Variants in SLC36A1 observed in about 807,000 individuals in gnomAD.
SLC36A1 encodes the protein proton-coupled amino acid transporter 1.
SLC36A1 carries 30 observed loss-of-function variants against 47.5 expected under a neutral mutation model. The observed-to-expected ratio is 0.63, with a 90% CI of 0.47 to 0.86. SLC36A1 has a LOEUF of 0.86. SLC36A1 is among the 40% of genes least tolerant of loss of function. SLC36A1 has a pLI of 0.00. For missense variants in SLC36A1, 517 were observed against 606.0 expected (o/e 0.85, Z 1.54); for synonymous variants, 255 against 249.7 (o/e 1.02, Z -0.20).
rs528349944 is a variant in SLC36A1 at position 151,448,277 on chromosome 5, C to T, written c.-6+464C>T. 1.6e-4 allele frequency among the ~76,000 whole-genome samples: 24 copies of T among 152,328 alleles called. No individual in the cohort carries two copies. The South Asian group carries it at 1.7e-3, about 11-fold the overall frequency. On this transcript the variant is annotated intron_variant, in intron 1 of 10. Coordinates refer to ENST00000243389, the MANE Select transcript of SLC36A1 (RefSeq NM_078483.4). Reference sequence around the variant, plus strand: ...GTGAGTTAATCGGAGACCCGGAGACCTGCGACTAGAATGCAAATGTTCCTA... The same window carrying T: ...GTGAGTTAATCGGAGACCCGGAGACTTGCGACTAGAATGCAAATGTTCCTA...
At chr5:151,523,632 C>T in the SLC36A1 span, among the ~76,000 whole-genome samples, 5 of 152,284 alleles carry the variant, frequency 3.3e-5, no homozygotes, top group Non-Finnish European at 7.4e-5. Flanking sequence ...CTAGGCAGGA[C>T]GTGTGCCTGG....
At chr5:151,506,192 AG>A in the SLC36A1 span, 2 of 1,349,786 alleles carry the variant, frequency 1.5e-6, no homozygotes, top group Non-Finnish European at 2.0e-6. Flanking sequence ...CGAGTGGTGG[AG>A]ATGGGAGTGG....
the SLC36A1 span, chr5:151,507,073 T>C: frequency 7.8e-7 from 1 of 1,284,306 alleles, no homozygotes; most frequent in Non-Finnish European, 1.1e-6. Context: ...TAAAAATGCC[T>C]GTGCCTCAGA....
chr5:151,496,150 G>A (rs151079281), downstream of SLC36A1, among the ~76,000 whole-genome samples: 7 of 152,184 alleles, frequency 4.6e-5, no homozygotes, highest in Admixed American at 4.6e-4. Context: ...TCTTTCCTGC[G>A]CTGTTCTCGT....
chr5:151,482,291 C>T (rs1052293514), intron 10 of SLC36A1, among the ~76,000 whole-genome samples: 8 of 152,142 alleles, frequency 5.3e-5, no homozygotes, highest in African/African-American at 1.2e-4. Flanking sequence ...CTGCATTCCC[C>T]GCCCAGGAAC....
upstream of SLC36A1, among the ~76,000 whole-genome samples, chr5:151,432,533 A>T (rs151202221): frequency 6.4e-3 from 972 of 152,280 alleles, 3 homozygotes; most frequent in Non-Finnish European, 8.1e-3. Context: ...AGATCCCCAA[A>T]ACTCTTATCC....
At chr5:151,394,827 C>T in the SLC36A1 span, among the ~76,000 whole-genome samples, 16 of 152,180 alleles carry the variant, frequency 1.1e-4, no homozygotes, top group Non-Finnish European at 2.1e-4. Context: ...GGGGTGCCTC[C>T]AAGTTAGGCT....
intron 10 of SLC36A1, among the ~76,000 whole-genome samples, chr5:151,487,163 C>G (rs1207360847): frequency 6.6e-6 from 1 of 152,242 alleles, no homozygotes; most frequent in Non-Finnish European, 1.5e-5. Context: ...CCTTTGCCCA[C>G]CTGGTGGAAA....
the SLC36A1 span, chr5:151,529,286 T>A: frequency 1.7e-5 from 27 of 1,613,804 alleles, no homozygotes; most frequent in Non-Finnish European, 2.0e-5. Context: ...TGACCATGAC[T>A]GTGGTCACGT....
At chr5:151,372,446 A>C in the SLC36A1 span, among the ~76,000 whole-genome samples, 19 of 148,690 alleles carry the variant, frequency 1.3e-4, no homozygotes, top group Non-Finnish European at 2.1e-4. Flanking sequence ...TTCATTAAAA[A>C]TTTTTTTTTT....
chr5:151,477,119 T>C (rs1229162203), intron 9 of SLC36A1: 8 of 370,464 alleles, frequency 2.2e-5, no homozygotes, highest in Non-Finnish European at 4.2e-5. Context: ...GCCTCTCCCT[T>C]GGTAGTAACA....
At chr5:151,430,421 T>C in the SLC36A1 span, among the ~76,000 whole-genome samples, 2 of 150,206 alleles carry the variant, frequency 1.3e-5, no homozygotes, top group Non-Finnish European at 2.9e-5. Context: ...CCTCCTGGGT[T>C]CAAGCAATTC....
the SLC36A1 span, among the ~76,000 whole-genome samples, chr5:151,498,958 T>A: frequency 6.6e-6 from 1 of 152,196 alleles, no homozygotes; most frequent in Non-Finnish European, 1.5e-5. Flanking sequence ...TTCCCCAGAT[T>A]GTGAGCTGCC....
chr5:151,382,459 A>G, the SLC36A1 span: 1 of 563,642 alleles, frequency 1.8e-6, no homozygotes, highest in Non-Finnish European at 3.1e-6. Flanking sequence ...CATAGAAGCA[A>G]GGAATCAAAG....
the SLC36A1 span, chr5:151,511,502 T>C: frequency 6.6e-6 from 1 of 152,370 alleles, no homozygotes; most frequent in Non-Finnish European, 1.5e-5. Context: ...AAGGAAACTC[T>C]CACACAGCTT....
chr5:151,433,751 A>C (rs905741649), upstream of SLC36A1, among the ~76,000 whole-genome samples: 1 of 152,106 alleles, frequency 6.6e-6, no homozygotes, highest in African/African-American at 2.4e-5. Context: ...TGCTCAACCC[A>C]GTGAAGTTGA....
At chr5:151,470,644 T>C (rs1186661721) in intron 7 of SLC36A1, among the ~76,000 whole-genome samples, 1 of 152,252 alleles carries the variant, frequency 6.6e-6, no homozygotes, top group Non-Finnish European at 1.5e-5. Context: ...GTCATACAGC[T>C]AAAGATGCTC....
At chr5:151,532,784 T>C in the SLC36A1 span, among the ~76,000 whole-genome samples, 424 of 152,350 alleles carry the variant, frequency 2.8e-3, 1 homozygote, top group African/African-American at 9.6e-3. Context: ...GGCTCGGCTG[T>C]GAGGTCCTCC....
At chr5:151,401,886 C>A in the SLC36A1 span, among the ~76,000 whole-genome samples, 1,129 of 151,766 alleles carry the variant, frequency 7.4e-3, 19 homozygotes, top group African/African-American at 0.026. Context: ...CTTCTAAGAG[C>A]CTTTTGGCAG....
Sources: gnomAD v4.1 joint callset for allele counts (sites outside exome capture counted in the v4.1 genomes callset) on GRCh38, gnomAD v4.1.1 for gene constraint, MANE v1.5 for transcripts, NCBI Gene and HGNC (gene_info 2026-07-23, HGNC 2026-07-21) for gene names.